The following TESMIN variants were observed in gnomAD, a reference collection of about 807,000 sequenced individuals.
The protein encoded by TESMIN is CXC domain containing 2.
A neutral mutation model predicts 47.4 loss-of-function variants in TESMIN; 34 were observed. The ratio of observed to expected loss-of-function variants is 0.72; its 90% confidence interval spans 0.55 to 0.96. The LOEUF is 0.96. Among genes scored for constraint, TESMIN ranks in the 40% least tolerant of loss-of-function variants. TESMIN has a pLI of 0.00. For missense variants in TESMIN, 610 were observed against 637.2 expected, an observed-to-expected ratio of 0.96 and a Z score of 0.46; for synonymous variants, 278 against 258.9, an observed-to-expected ratio of 1.07 and a Z score of -0.71.
At chr11:68,738,861 G>T in intron 5 of TESMIN, 73 bp from the exon 6 acceptor site, 1 of 1,281,638 alleles carries the variant, frequency 7.8e-7, no homozygotes, top group East Asian at 2.4e-5. Context: ...CAGCCCCCTA[G>T]ATAAAAATGA....
intron 4 of TESMIN, among the ~76,000 whole-genome samples, chr11:68,743,924 A>C (rs748562177): frequency 6.6e-6 from 1 of 152,088 alleles, no homozygotes; most frequent in Non-Finnish European, 1.5e-5. Context: ...ACACTATATA[A>C]ACTCTCTCCT....
chr11:68,748,663 TTAAACGATAAACATGTCTGTGCTG>T (rs1946551106), intron 2 of TESMIN, among the ~76,000 whole-genome samples: 1 of 152,258 alleles, frequency 6.6e-6, no homozygotes, highest in Non-Finnish European at 1.5e-5. Context: ...TCCATTCTGT[TTAAACGATAAACATGTCTGTGCTG>T]TATCTGGTCC....
rs1462196480 is a variant in TESMIN at position 68,713,149 on chromosome 11, T to C, written c.1158+121A>G. The C allele has an allele frequency of 2.7e-5, 28 of 1,054,020 alleles. No homozygotes were observed. The Admixed American group carries it at 3.4e-4, about 13-fold the overall frequency. The allele number at this position is 1,054,020 out of a possible 1,614,324, so 65.3% of individuals were successfully genotyped here. A position where few individuals can be genotyped will look rare whatever the true frequency, so the allele number is the denominator to read the frequency against. ...GATGTAAGTGTCCTTCTAGAAACTC[T>C]GGAAGAAAAAAATAATTATATTTAT... On this transcript the variant is annotated intron_variant, in intron 8 of 9. Coordinates refer to ENST00000255087, the MANE Select transcript of TESMIN (RefSeq NM_004923.3).
chr11:68,739,043 C>T (rs1325762693), intron 5 of TESMIN, among the ~76,000 whole-genome samples: 5 of 152,146 alleles, frequency 3.3e-5, no homozygotes, highest in African/African-American at 7.2e-5. Flanking sequence ...CTGGCCTCCA[C>T]GGGCTGGAGG....
At chr11:68,735,652 C>T (rs985795145) in intron 6 of TESMIN, among the ~76,000 whole-genome samples, 20 of 152,202 alleles carry the variant, frequency 1.3e-4, no homozygotes, top group African/African-American at 1.9e-4. Context: ...CTGTCCTATA[C>T]GGACTGTGCA....
At chr11:68,706,129 C>T (rs891717324), downstream of TESMIN, among the ~76,000 whole-genome samples, 2 of 151,986 alleles carry the variant, frequency 1.3e-5, no homozygotes, top group African/African-American at 2.4e-5. Context: ...AGCACTGGCT[C>T]TCCGCCAAAC....
In TESMIN at chr11:68,713,214, T is replaced by A. The variant is rs141208643; in HGVS notation, c.1158+56A>T. 1.2e-3 allele frequency: 1,842 copies of A among 1,515,186 alleles called. 2 individuals carry two copies. Among genetic ancestry groups the A allele is most frequent in the Non-Finnish European group, 1.5e-3 (1,668 of 1,125,278 alleles). 93.9% of individuals were successfully genotyped at this position (1,515,186 alleles called of 1,614,324 possible). On this transcript the variant is annotated intron_variant, in intron 8 of 9. Coordinates refer to ENST00000255087, the MANE Select transcript of TESMIN (RefSeq NM_004923.3). ...GCAAAGTTTTTTTAACCACAAAAGT[T>A]ACTCAACATATTTACCTGTGTTTTT... is the stretch of plus-strand genomic sequence containing the variant.
intron 2 of TESMIN, 85 bp from the exon 3 acceptor site, chr11:68,747,451 G>C (rs1378115026): frequency 8.3e-7 from 1 of 1,210,498 alleles, no homozygotes; most frequent in African/African-American, 1.5e-5. Context: ...TGAAATCTCA[G>C]TGATAAGTAG....
intron 8 of TESMIN, among the ~76,000 whole-genome samples, chr11:68,712,446 C>T (rs993988017): frequency 6.6e-6 from 1 of 152,138 alleles, no homozygotes; most frequent in Non-Finnish European, 1.5e-5. Flanking sequence ...TGACAGACAG[C>T]CTTTGAAAAG....
chr11:68,712,569 TTCC>T (rs1265729306), intron 8 of TESMIN, among the ~76,000 whole-genome samples: 3 of 152,192 alleles, frequency 2.0e-5, no homozygotes, highest in African/African-American at 7.2e-5. Flanking sequence ...CACTTTCTCT[TTCC>T]TCCTTTCCCT....
Position 68,750,311 on chromosome 11 carries a change from G to T in TESMIN, c.350C>A (p.Pro117Gln). 6.6e-7 allele frequency: 1 copy of T among 1,521,092 alleles called. No individual in the cohort carries two copies. Among genetic ancestry groups the T allele is most frequent in the Non-Finnish European group, 8.8e-7 (1 of 1,140,046 alleles). The allele number at this position is 1,521,092 out of a possible 1,614,324, so 94.2% of individuals were successfully genotyped here. A position where few individuals can be genotyped will look rare whatever the true frequency, so the allele number is the denominator to read the frequency against. Residue 117 changes from proline to glutamine, a missense_variant, in exon 2 of 10, where the codon CCG becomes CAG. Pro to Gln is a moderately conservative substitution (Grantham distance 76, BLOSUM62 -1). Coordinates refer to ENST00000255087, the MANE Select transcript of TESMIN (RefSeq NM_004923.3). ...CAGGAAGTGCACGTTGCAGGCGGGC[G>T]GCTGCGGGGCCTGCAGGAGCGCGAC... ...EDVALLQAPQ[P>Q]PACNVHFLSS... is the part of the protein sequence containing the mutation.
chr11:68,706,428 C>T (rs1945998718), downstream of TESMIN, among the ~76,000 whole-genome samples: 1 of 152,238 alleles, frequency 6.6e-6, no homozygotes, highest in African/African-American at 2.4e-5. Context: ...GTATCCCCAG[C>T]CCCACACTGA....
chr11:68,721,197 GT>G (rs1445701495), intron 6 of TESMIN, among the ~76,000 whole-genome samples: 1 of 152,122 alleles, frequency 6.6e-6, no homozygotes, highest in African/African-American at 2.4e-5. Flanking sequence ...GCATGTAGAT[GT>G]TTTATATATC....
intron 6 of TESMIN, among the ~76,000 whole-genome samples, chr11:68,725,694 A>G (rs993221425): frequency 1.3e-5 from 2 of 151,954 alleles, no homozygotes; most frequent in African/African-American, 4.8e-5. Flanking sequence ...GCTGGTCTCG[A>G]ACTCCTCGGT....
At chr11:68,716,932 T>C (rs971744107) in intron 6 of TESMIN, among the ~76,000 whole-genome samples, 1 of 152,212 alleles carries the variant, frequency 6.6e-6, no homozygotes, top group African/African-American at 2.4e-5. Context: ...CAACTCGTTT[T>C]CCACATCGGC....
At chr11:68,743,774 G>C (rs576903542) in intron 4 of TESMIN, among the ~76,000 whole-genome samples, 2 of 152,248 alleles carry the variant, frequency 1.3e-5, no homozygotes, top group Non-Finnish European at 2.9e-5. Context: ...TCCAGGCCTA[G>C]GCATCCTTTG....
chr11:68,711,328 T>C (rs890334985), intron 8 of TESMIN, among the ~76,000 whole-genome samples: 2 of 150,718 alleles, frequency 1.3e-5, no homozygotes, highest in African/African-American at 2.4e-5. Context: ...TGTGTGTGTG[T>C]CGAGTGTGCG....
chr11:68,735,408 T>C (rs1179327495), intron 6 of TESMIN, among the ~76,000 whole-genome samples: 1 of 152,098 alleles, frequency 6.6e-6, no homozygotes, highest in African/African-American at 2.4e-5. Context: ...CCACTGTAAC[T>C]GTGGAGGGAG....
Position 68,713,305 on chromosome 11 carries a change from ACCT to A in TESMIN, c.1120_1122del (p.Arg374del). 2 of 1,613,562 alleles carry A rather than the reference ACCT, an allele frequency of 1.2e-6. No individual in the cohort carries two copies. The highest frequency in any genetic ancestry group is 1.7e-6 in the Non-Finnish European group (2 of 1,179,886). ...TCGCAGTAATTCTTCAGGCAGCCTG[ACCT>A]CCTGCAGTTGCACCCTTTGTTGTGC... On this transcript the variant is annotated inframe_deletion, in exon 8 of 10. Coordinates refer to ENST00000255087, the MANE Select transcript of TESMIN (RefSeq NM_004923.3).
Sources: gnomAD v4.1 joint callset for allele counts (sites outside exome capture counted in the v4.1 genomes callset) on GRCh38, gnomAD v4.1.1 for gene constraint, MANE v1.5 for transcripts, NCBI Gene and HGNC (gene_info 2026-07-23, HGNC 2026-07-21) for gene names.